DGKB: variants seen among roughly 807,000 people sequenced by gnomAD.
DGKB encodes diacylglycerol kinase beta, also known as 90 kDa diacylglycerol kinase.
A neutral mutation model predicts 114.3 loss-of-function variants in DGKB; 67 were observed. That is an observed-to-expected ratio of 0.59 (90% CI 0.48 to 0.72). The LOEUF (loss-of-function observed/expected upper bound fraction) is 0.72. Ranked by LOEUF, DGKB falls within the 30% of genes least tolerant of loss-of-function variation. The pLI, the probability that DGKB is intolerant of heterozygous loss-of-function variation, is 0.00. For missense variants in DGKB, 907 were observed against 975.2 expected (o/e 0.93, Z 0.93); for synonymous variants, 398 against 323.1 (o/e 1.23, Z -2.49).
At chr7:14,940,516 G>A (rs1048200051) in intron 1 of DGKB, among the ~76,000 whole-genome samples, 1 of 151,988 alleles carries the variant, frequency 6.6e-6, no homozygotes, top group Non-Finnish European at 1.5e-5. Context: ...AAAATTGACT[G>A]CAAAAATTTT....
At chr7:14,613,505 C>T (rs757105834) in intron 15 of DGKB, 92 bp from the exon 16 acceptor site, 68 of 709,700 alleles carry the variant, frequency 9.6e-5, no homozygotes, top group East Asian at 2.2e-4. Context: ...AATACCAATA[C>T]GCAATTTCAA....
intron 25 of DGKB, among the ~76,000 whole-genome samples, chr7:14,172,089 C>T (rs2078922522): frequency 6.6e-6 from 1 of 152,060 alleles, no homozygotes; most frequent in African/African-American, 2.4e-5. Context: ...GGAGGAGGGA[C>T]AGCAAGGAAT....
chr7:14,415,620 A>G (rs1346463216), intron 21 of DGKB, among the ~76,000 whole-genome samples: 1 of 152,066 alleles, frequency 6.6e-6, no homozygotes, highest in Non-Finnish European at 1.5e-5. Flanking sequence ...TTATGGCTGC[A>G]TAGTATTCCA....
At chr7:14,649,869 T>G (rs536472280) in intron 13 of DGKB, among the ~76,000 whole-genome samples, 3,219 of 138,410 alleles carry the variant, frequency 0.023, 119 homozygotes, top group African/African-American at 0.084. Context: ...AAACAGACTT[T>G]AAACCAACAA....
chr7:14,748,031 A>G (rs1833608564), intron 4 of DGKB, among the ~76,000 whole-genome samples: 1 of 152,216 alleles, frequency 6.6e-6, no homozygotes, highest in South Asian at 2.1e-4. Context: ...AAGAGAAGAC[A>G]CTAGTATTCA....
intron 13 of DGKB, among the ~76,000 whole-genome samples, chr7:14,640,648 G>T (rs1007992997): frequency 6.6e-6 from 1 of 152,164 alleles, no homozygotes; most frequent in Admixed American, 6.5e-5. Flanking sequence ...ACAAAGACAG[G>T]CAATGAGACA....
intron 23 of DGKB, among the ~76,000 whole-genome samples, chr7:14,306,588 G>C (rs1804518443): frequency 6.6e-6 from 1 of 152,044 alleles, no homozygotes; most frequent in Non-Finnish European, 1.5e-5. Context: ...AGTCCAGTCG[G>C]TACAGTAGAT....
intron 1 of DGKB, among the ~76,000 whole-genome samples, chr7:14,902,030 G>A (rs980218327): frequency 6.6e-6 from 1 of 152,124 alleles, no homozygotes; most frequent in African/African-American, 2.4e-5. Context: ...ACCCACTGAA[G>A]AGTATTTGAA....
At chr7:14,768,450 T>G (rs935149745) in intron 2 of DGKB, among the ~76,000 whole-genome samples, 1 of 151,968 alleles carries the variant, frequency 6.6e-6, no homozygotes, top group African/African-American at 2.4e-5. Flanking sequence ...GATTCTATGA[T>G]AGTGCATATC....
intron 4 of DGKB, among the ~76,000 whole-genome samples, chr7:14,740,334 T>C (rs1468871323): frequency 6.6e-6 from 1 of 151,968 alleles, no homozygotes; most frequent in Non-Finnish European, 1.5e-5. Context: ...GGGACCACAG[T>C]TGATTTTGCA....
At chr7:14,783,727 A>G (rs1839455301) in intron 2 of DGKB, among the ~76,000 whole-genome samples, 1 of 152,210 alleles carries the variant, frequency 6.6e-6, no homozygotes, top group South Asian at 2.1e-4. Flanking sequence ...ATTTATAAAG[A>G]AAGGGAAAAA....
intron 1 of DGKB, among the ~76,000 whole-genome samples, chr7:14,922,375 C>CGTGTGTGTGTGTGTATGTGTGT (rs1027562736): frequency 3.4e-5 from 4 of 118,282 alleles, no homozygotes; most frequent in African/African-American, 1.5e-4. Flanking sequence ...GTGTATCCAT[C>CGTGTGTGTGTGTGTATGTGTGT]GTGTGTGTGT....
chr7:14,469,275 C>A (rs978715548), intron 21 of DGKB, among the ~76,000 whole-genome samples: 2 of 152,162 alleles, frequency 1.3e-5, no homozygotes, highest in Non-Finnish European at 1.5e-5. Flanking sequence ...GAATGCCCAT[C>A]AAACAAACAG....
Position 14,786,046 on chromosome 7 carries a change from T to C in DGKB, c.71-28315A>G, listed in dbSNP as rs368330905. ...GAAAGTCATCCATCTTTCCTTTTTT[T>C]CGTCTTCATGACATTTGCAAGCAAT... is the stretch of plus-strand genomic sequence containing the variant. On this transcript the variant is annotated intron_variant, in intron 2 of 25. Transcript: ENST00000402815. Among the ~76,000 whole-genome samples the C allele has an allele frequency of 2.6e-5, 4 of 152,298 alleles. No homozygotes were observed. In the East Asian group the frequency reaches 7.7e-4, roughly 29 times the overall value.
At chr7:14,723,754 T>C (rs940787291) in intron 5 of DGKB, among the ~76,000 whole-genome samples, 7 of 152,152 alleles carry the variant, frequency 4.6e-5, no homozygotes, top group African/African-American at 1.7e-4. Flanking sequence ...CATACATACA[T>C]ACACACATAC....
intron 1 of DGKB, among the ~76,000 whole-genome samples, chr7:14,936,404 G>C (rs1423378231): frequency 6.6e-6 from 1 of 152,150 alleles, no homozygotes; most frequent in African/African-American, 2.4e-5. Flanking sequence ...ACTGTCCCCA[G>C]TTTTAGAGAG....
intron 8 of DGKB, among the ~76,000 whole-genome samples, chr7:14,694,736 GTTTGCAATAC>G (rs59253108): frequency 0.41 from 62,172 of 151,666 alleles, 14,623 homozygotes; most frequent in East Asian, 0.87. Context: ...TGCAGTGTTT[GTTTGCAATAC>G]ATTTACCTCT....
chr7:14,648,381 G>C (rs1029026537), intron 13 of DGKB, among the ~76,000 whole-genome samples: 1 of 152,256 alleles, frequency 6.6e-6, no homozygotes. Context: ...CCCAGCAGGG[G>C]CACACTCACA....
chr7:14,340,702 T>A (rs2128580824), intron 22 of DGKB, among the ~76,000 whole-genome samples: 1 of 151,848 alleles, frequency 6.6e-6, no homozygotes, highest in East Asian at 1.9e-4. Context: ...AAAAAGATGA[T>A]AAATATGCAA....
Sources: gnomAD v4.1 joint callset for allele counts (sites outside exome capture counted in the v4.1 genomes callset) on GRCh38, gnomAD v4.1.1 for gene constraint, MANE v1.5 for transcripts, NCBI Gene and HGNC (gene_info 2026-07-23, HGNC 2026-07-21) for gene names.